URI1: variants seen among roughly 807,000 people sequenced by gnomAD.
URI1 encodes unconventional prefoldin RPB5 interactor 1.
URI1 carries 39 observed loss-of-function variants against 60.2 expected under a neutral mutation model. The ratio of observed to expected loss-of-function variants is 0.65; its 90% CI spans 0.50 to 0.85. The LOEUF (loss-of-function observed/expected upper bound fraction) is 0.85. Among genes scored for constraint, URI1 ranks in the 40% least tolerant of loss-of-function variants. The pLI, the probability that URI1 is intolerant of heterozygous loss-of-function variation, is 0.00. For synonymous variants in URI1, 251 were observed against 236.8 expected (o/e 1.06, Z -0.55); for missense variants, 691 against 665.9 (o/e 1.04, Z -0.42).
chr19:29,961,493 CT>C (rs748403938), intron 1 of URI1, among the ~76,000 whole-genome samples: 3 of 151,936 alleles, frequency 2.0e-5, no homozygotes, highest in Non-Finnish European at 4.4e-5. Context: ...GAATTTCTTC[CT>C]TTTTAAGGCT....
At chr19:29,948,200 T>A (rs555631717) in intron 1 of URI1, among the ~76,000 whole-genome samples, 7 of 152,274 alleles carry the variant, frequency 4.6e-5, no homozygotes, top group African/African-American at 1.4e-4. Flanking sequence ...GGTGGTGTAG[T>A]TTTAGTTGTG....
At chr19:29,929,178 T>A (rs2054894843) in intron 1 of URI1, among the ~76,000 whole-genome samples, 1 of 152,198 alleles carries the variant, frequency 6.6e-6, no homozygotes, top group Non-Finnish European at 1.5e-5. Flanking sequence ...AAGTCTATGT[T>A]TGACTTTGTA....
Position 29,959,832 on chromosome 19 carries a change from T to G in URI1, c.118-11361T>G, listed in dbSNP as rs371301017. Among the ~76,000 whole-genome samples, 44 of 152,238 alleles carry G rather than the reference T, an allele frequency of 2.9e-4. 1 individual carries two copies. In the South Asian group the frequency reaches 9.1e-3, roughly 32 times the overall value. On this transcript the variant is annotated intron_variant, in intron 1 of 10. Transcript: ENST00000392271. ...TTTTTCCTCTTTTCTAAGTCTGCTT[T>G]CTACTTTACTGATTTCTTCTCTCTT... is the stretch of plus-strand genomic sequence containing the variant.
chr19:30,009,474 C>T (rs562966683), intron 8 of URI1, 121 bp downstream of exon 8: 2 of 990,858 alleles, frequency 2.0e-6, no homozygotes, highest in African/African-American at 3.3e-5. Flanking sequence ...ACAGGAAAAT[C>T]ATCTTTTGCC....
intron 1 of URI1, among the ~76,000 whole-genome samples, chr19:29,965,647 C>T (rs1030279348): frequency 2.0e-5 from 3 of 152,278 alleles, no homozygotes; most frequent in East Asian, 1.9e-4. Context: ...ATCTCTAGTT[C>T]AAGTCACCCC....
intron 10 of URI1, among the ~76,000 whole-genome samples, chr19:30,014,388 A>G (rs1471090200): frequency 6.6e-6 from 1 of 152,226 alleles, no homozygotes; most frequent in East Asian, 1.9e-4. Context: ...AAATATTTAA[A>G]TAATTGCATA....
chr19:29,952,381 T>C (rs936253843), intron 1 of URI1, among the ~76,000 whole-genome samples: 1 of 152,232 alleles, frequency 6.6e-6, no homozygotes, highest in African/African-American at 2.4e-5. Flanking sequence ...GATGGGAATA[T>C]CCTATTTCCT....
intron 1 of URI1, among the ~76,000 whole-genome samples, chr19:29,953,778 A>G (rs1199808129): frequency 1.3e-5 from 2 of 152,094 alleles, no homozygotes; most frequent in African/African-American, 4.8e-5. Flanking sequence ...CAGGAAAAAC[A>G]TAATCACTAG....
At position 29,986,275 on chromosome 19, in the gene URI1, A is replaced by G; in HGVS notation, c.232-7A>G. ...TTTTCCCTTTTTTCTTTTTTTTTAAACAATAGGTACCATTTGGCCCTTTTG... is the reference window on the plus strand; with the variant it reads ...TTTTCCCTTTTTTCTTTTTTTTTAAGCAATAGGTACCATTTGGCCCTTTTG... On this transcript the variant is annotated splice_polypyrimidine_tract_variant and splice_region_variant and intron_variant, in intron 3 of 10. Transcript: ENST00000392271. 3 of 1,544,016 alleles carry G rather than the reference A, an allele frequency of 1.9e-6. No homozygotes were observed. The highest frequency in any genetic ancestry group is 2.4e-5 in the East Asian group (1 of 41,894).
chr19:30,012,801 A>T (rs2056039948), intron 10 of URI1: 1 of 293,544 alleles, frequency 3.4e-6, no homozygotes, highest in African/African-American at 2.2e-5. Context: ...TTACATTTGT[A>T]GCTAGGAAAT....
At chr19:29,961,552 C>T (rs1184669662) in intron 1 of URI1, among the ~76,000 whole-genome samples, 5 of 151,672 alleles carry the variant, frequency 3.3e-5, no homozygotes, top group Admixed American at 2.0e-4. Context: ...GTGTATTATA[C>T]GTTTTTGTTT....
At chr19:29,973,412 T>G (rs1283929343) in intron 2 of URI1, among the ~76,000 whole-genome samples, 1 of 152,184 alleles carries the variant, frequency 6.6e-6, no homozygotes, top group Admixed American at 6.5e-5. Flanking sequence ...TAACCCTTGG[T>G]ATTAGCCTAG....
At chr19:29,935,762 CCTTTTCTTTTCTTTT>C (rs3049083) in intron 1 of URI1, among the ~76,000 whole-genome samples, 4 of 141,156 alleles carry the variant, frequency 2.8e-5, no homozygotes, top group African/African-American at 8.0e-5. Flanking sequence ...GCCTCTGGTT[CCTTTTCTTTTCTTTT>C]CTTTTCTTTT....
intron 4 of URI1, among the ~76,000 whole-genome samples, chr19:30,002,788 T>A (rs2055894447): frequency 6.6e-6 from 1 of 151,992 alleles, no homozygotes; most frequent in South Asian, 2.1e-4. Flanking sequence ...CTATAATAAT[T>A]GGTAACTAAA....
intron 4 of URI1, among the ~76,000 whole-genome samples, chr19:29,992,905 G>A (rs560733236): frequency 3.0e-4 from 46 of 152,216 alleles, no homozygotes; most frequent in African/African-American, 9.9e-4. Flanking sequence ...AGAATTTTTG[G>A]CTGTGACAAC....
At chr19:29,934,313 T>G (rs2054949502) in intron 1 of URI1, among the ~76,000 whole-genome samples, 1 of 152,220 alleles carries the variant, frequency 6.6e-6, no homozygotes, top group East Asian at 1.9e-4. Context: ...GTTAGGTTAT[T>G]GATATGTTAG....
upstream of URI1, among the ~76,000 whole-genome samples, chr19:29,938,732 A>G (rs1481643148): frequency 6.6e-6 from 1 of 151,954 alleles, no homozygotes; most frequent in African/African-American, 2.4e-5. Flanking sequence ...GCTGGAGTGC[A>G]GTGGCACCAT....
chr19:30,009,246 G>T lies in URI1; in HGVS notation c.928G>T (p.Asp310Tyr), dbSNP rs781346860. Residue 310 changes from aspartate to tyrosine, a missense_variant, in exon 8 of 11, where the codon GAC becomes TAC. Physicochemically the swap from Asp to Tyr is radical, Grantham distance 160. Coordinates refer to ENST00000392271, the MANE Select transcript of URI1 (RefSeq NM_003796.3). The stretch of plus-strand genomic sequence containing the variant: ...TGATGATGATGATGATGACGACGAC[G>T]ACGACAACATTGACGACGATGATGG... ...DDDDDDDDDD[D>Y]DNIDDDDGDN... 6.2e-7 allele frequency: 1 copy of T among 1,613,430 alleles called. No homozygotes were observed. The highest frequency in any genetic ancestry group is 1.3e-5 in the African/African-American group (1 of 74,896).
At chr19:29,929,744 ATCT>A (rs1568400404) in intron 1 of URI1, among the ~76,000 whole-genome samples, 1 of 152,128 alleles carries the variant, frequency 6.6e-6, no homozygotes, top group Non-Finnish European at 1.5e-5. Flanking sequence ...CCATTTGTAT[ATCT>A]TCTTTGGAGA....
Sources: allele counts gnomAD v4.1 joint callset (sites outside exome capture counted in the v4.1 genomes callset), GRCh38; gene constraint gnomAD v4.1.1; transcripts MANE v1.5; gene names NCBI Gene and HGNC (gene_info 2026-07-23, HGNC 2026-07-21).